The following RYR2 variants were observed in gnomAD, a reference collection of about 807,000 sequenced individuals.
RYR2 encodes the protein cardiac muscle ryanodine receptor-calcium release channel.
RYR2 carries 227 observed loss-of-function variants against 601.1 expected under a neutral mutation model. That is an observed-to-expected ratio of 0.38 (90% CI 0.34 to 0.42). RYR2 has a LOEUF of 0.42. Ranked by LOEUF, RYR2 falls within the 10% of genes least tolerant of loss-of-function variation. The pLI, the probability that RYR2 is intolerant of heterozygous loss-of-function variation, is 1.00. For synonymous variants in RYR2, 2,223 were observed against 2,175.1 expected (o/e 1.02, Z -0.61); for missense variants, 4,646 against 6,156.5 (o/e 0.75, Z 8.21).
chr1:237,495,226 G>A (rs1274398701), intron 19 of RYR2, among the ~76,000 whole-genome samples: 1 of 152,144 alleles, frequency 6.6e-6, no homozygotes. Context: ...CCATTTTCCA[G>A]GAGGATAAAT....
At chr1:237,061,699 C>T (rs1156703644) in intron 1 of RYR2, among the ~76,000 whole-genome samples, 2 of 152,178 alleles carry the variant, frequency 1.3e-5, no homozygotes, top group African/African-American at 2.4e-5. Flanking sequence ...TTTTCCAACA[C>T]TCTTGCTTTT....
intron 48 of RYR2, among the ~76,000 whole-genome samples, chr1:237,646,099 G>T (rs995082275): frequency 7.9e-5 from 12 of 152,044 alleles, no homozygotes; most frequent in African/African-American, 2.9e-4. Flanking sequence ...GGATGGTCTC[G>T]ATCTCCTGAC....
intron 2 of RYR2, among the ~76,000 whole-genome samples, chr1:237,280,177 G>T (rs997409090): frequency 6.6e-6 from 1 of 152,120 alleles, no homozygotes; most frequent in African/African-American, 2.4e-5. Flanking sequence ...TGATATTCCA[G>T]ATGAACTGAT....
In RYR2 at chr1:237,188,410, C is replaced by T. The variant is rs544567677; in HGVS notation, c.49-82087C>T. On this transcript the variant is annotated intron_variant, in intron 1 of 104. Transcript: ENST00000366574. ...TTGCAGCACAGGCTTGGGGCGTGAC[C>T]TCAGGATGTGACTGCACCAAACCTT... Among the ~76,000 whole-genome samples the T allele has an allele frequency of 2.6e-5, 4 of 152,170 alleles. No individual in the cohort carries two copies. The East Asian group carries it at 7.7e-4, about 29-fold the overall frequency.
intron 80 of RYR2, among the ~76,000 whole-genome samples, chr1:237,747,078 G>A (rs1692145971): frequency 1.3e-5 from 2 of 152,116 alleles, no homozygotes; most frequent in Admixed American, 6.5e-5. Flanking sequence ...TTTATTGAAA[G>A]CATTTCTTTA....
intron 84 of RYR2, among the ~76,000 whole-genome samples, chr1:237,762,902 C>T (rs1312519608): frequency 1.3e-5 from 2 of 152,198 alleles, no homozygotes; most frequent in African/African-American, 4.8e-5. Flanking sequence ...AGTCATCACT[C>T]ATGAGCGTGG....
At chr1:237,329,398 T>C (rs1296870101) in intron 2 of RYR2, among the ~76,000 whole-genome samples, 2 of 151,970 alleles carry the variant, frequency 1.3e-5, no homozygotes, top group Non-Finnish European at 2.9e-5. Flanking sequence ...TCCCAGCACT[T>C]TGGGAGGCCG....
At chr1:237,204,503 C>CAAAAA (rs67002856) in intron 1 of RYR2, among the ~76,000 whole-genome samples, 20 of 106,602 alleles carry the variant, frequency 1.9e-4, no homozygotes, top group African/African-American at 3.0e-4. Context: ...AAAACAAAAA[C>CAAAAA]AAAAAAAAAA....
Position 237,339,897 on chromosome 1 carries a change from A to G in RYR2, c.273+8915A>G, listed in dbSNP as rs138300834. Among the ~76,000 whole-genome samples, 443 of 152,256 alleles carry G rather than the reference A, an allele frequency of 2.9e-3. 2 individuals carry two copies. The highest frequency in any genetic ancestry group is 9.9e-3 in the African/African-American group (413 of 41,546). On this transcript the variant is annotated intron_variant, in intron 3 of 104. Coordinates refer to ENST00000366574, the MANE Select transcript of RYR2 (RefSeq NM_001035.3). ...CCCTGGCAGAATTTCCCTCATACCC[A>G]TTGTCACACACCCATAGCTAATTTA...
chr1:237,537,217 A>C (rs1419444191), intron 25 of RYR2, among the ~76,000 whole-genome samples: 8 of 152,246 alleles, frequency 5.3e-5, no homozygotes, highest in African/African-American at 1.9e-4. Context: ...CATGCAAAAC[A>C]AACCTGAAAA....
rs538288592 is a variant in RYR2 at position 237,557,910 on chromosome 1, A to G, written c.3214+7219A>G. ...ATCTTCAGTTTGAGGTGCATGTGAG[A>G]CAACTCAACACATATACCAGGATTC... On this transcript the variant is annotated intron_variant, in intron 27 of 104. Transcript: ENST00000366574. Among the ~76,000 whole-genome samples, 30 of 152,312 alleles carry G rather than the reference A, an allele frequency of 2.0e-4. 1 individual carries two copies. Among genetic ancestry groups the G allele is most frequent in the South Asian group, 1.5e-3 (7 of 4,822 alleles).
At chr1:237,578,739 G>A (rs553793290) in intron 29 of RYR2, among the ~76,000 whole-genome samples, 15 of 77,024 alleles carry the variant, frequency 1.9e-4, no homozygotes, top group African/African-American at 7.2e-4. Flanking sequence ...GGGCATGTAC[G>A]CTCCCTCAGT....
At chr1:237,647,868 G>C (rs769292796) in intron 48 of RYR2, among the ~76,000 whole-genome samples, 1 of 152,168 alleles carries the variant, frequency 6.6e-6, no homozygotes, top group African/African-American at 2.4e-5. Context: ...AATCTCTATA[G>C]GCATAAAGCT....
Position 237,768,844 on chromosome 1 carries a change from T to C in RYR2, c.11477-1963T>C, listed in dbSNP as rs566491533. On this transcript the variant is annotated intron_variant, in intron 84 of 104. Transcript: ENST00000366574. ...TATCACCTGATGGTAAACGAAGGCC[T>C]GACTCGTCCCCTCCCTAACCCCTCC... is the stretch of plus-strand genomic sequence containing the variant. Among the ~76,000 whole-genome samples, 3 of 152,328 alleles carry C rather than the reference T, an allele frequency of 2.0e-5. No homozygotes were observed. The East Asian group carries it at 5.8e-4, about 29-fold the overall frequency.
At chr1:237,669,365 A>C (rs1318237959) in intron 58 of RYR2, among the ~76,000 whole-genome samples, 6 of 152,074 alleles carry the variant, frequency 3.9e-5, no homozygotes, top group East Asian at 1.9e-4. Flanking sequence ...CATTGTCATC[A>C]TGGCCCGTTC....
At chr1:237,762,725 C>CT (rs1553314482) in intron 84 of RYR2, among the ~76,000 whole-genome samples, 3 of 152,342 alleles carry the variant, frequency 2.0e-5, no homozygotes, top group South Asian at 4.1e-4. Context: ...ATTGATTTAA[C>CT]TTGTGCATTC....
intron 51 of RYR2, among the ~76,000 whole-genome samples, chr1:237,651,820 G>A (rs1196713612): frequency 2.0e-5 from 3 of 152,092 alleles, no homozygotes; most frequent in Non-Finnish European, 2.9e-5. Flanking sequence ...GGCGGATCAC[G>A]AGGTTAGGAG....
chr1:237,565,141 T>TTTTC (rs1289697431), intron 27 of RYR2, among the ~76,000 whole-genome samples: 1 of 47,586 alleles, frequency 2.1e-5, no homozygotes, highest in African/African-American at 6.0e-5. Context: ...CTTTCTTTCT[T>TTTTC]TTTCTTTCTT....
chr1:237,148,523 AAAAAATATATATATATATAT>A (rs1674284034), intron 1 of RYR2, among the ~76,000 whole-genome samples: 2 of 48,286 alleles, frequency 4.1e-5, no homozygotes, highest in African/African-American at 1.2e-4. Context: ...AGTAAAAAAA[AAAAAATATATATATATATAT>A]ATATATATAT....
Sources: gnomAD v4.1 joint callset for allele counts (sites outside exome capture counted in the v4.1 genomes callset) on GRCh38, gnomAD v4.1.1 for gene constraint, MANE v1.5 for transcripts, NCBI Gene and HGNC (gene_info 2026-07-23, HGNC 2026-07-21) for gene names.